XRN2: variants seen among roughly 807,000 people sequenced by gnomAD.
The protein encoded by XRN2 is DHM1-like protein.
Under a neutral mutation model 138.5 loss-of-function variants are expected in XRN2, and 44 were observed. The ratio of observed to expected loss-of-function variants is 0.32; its 90% CI spans 0.25 to 0.41. The LOEUF is 0.41. Ranked by LOEUF, XRN2 falls within the 10% of genes least tolerant of loss-of-function variation. The probability of loss-of-function intolerance (pLI) is 1.00; values close to 1 mark genes in which losing one functional copy is unlikely to be tolerated. For synonymous variants in XRN2, 354 were observed against 369.4 expected, an observed-to-expected ratio of 0.96 and a Z score of 0.48; for missense variants, 937 against 1,169.3, an observed-to-expected ratio of 0.80 and a Z score of 2.90.
intron 21 of XRN2, 125 bp from the exon 22 acceptor site, chr20:21,355,955 T>G: frequency 8.9e-6 from 5 of 563,454 alleles, no homozygotes; most frequent in African/African-American, 3.9e-5. Context: ...TTAAAATTAT[T>G]TTTCATAAAT....
At chr20:21,330,128 C>A (rs1420652652) in intron 4 of XRN2, among the ~76,000 whole-genome samples, 1 of 151,980 alleles carries the variant, frequency 6.6e-6, no homozygotes, top group African/African-American at 2.4e-5. Flanking sequence ...ACTAAAAATA[C>A]AAAAATTAGC....
At chr20:21,320,508 C>T (rs1050488935) in intron 1 of XRN2, among the ~76,000 whole-genome samples, 1 of 151,890 alleles carries the variant, frequency 6.6e-6, no homozygotes, top group Non-Finnish European at 1.5e-5. Flanking sequence ...AGCGTGCTAG[C>T]CAGGATGGTC....
chr20:21,357,656 A>G, intron 23 of XRN2, 80 bp from the exon 24 acceptor site: 2 of 1,183,288 alleles, frequency 1.7e-6, no homozygotes, highest in Non-Finnish European at 2.3e-6. Context: ...AAAGACTAAC[A>G]AACATAGCAA....
At chr20:21,339,422 C>G (rs766345782) in intron 14 of XRN2, among the ~76,000 whole-genome samples, 1 of 152,174 alleles carries the variant, frequency 6.6e-6, no homozygotes, top group East Asian at 1.9e-4. Context: ...ATTTCTACCT[C>G]TTTGTCAGAT....
At chr20:21,328,058 C>A (rs1006474526) in intron 3 of XRN2, among the ~76,000 whole-genome samples, 1 of 152,100 alleles carries the variant, frequency 6.6e-6, no homozygotes, top group Admixed American at 6.5e-5. Flanking sequence ...AGAAGTGCAC[C>A]GAGATTCTTC....
chr20:21,308,969 G>A (rs1000867579), intron 1 of XRN2, among the ~76,000 whole-genome samples: 1 of 152,110 alleles, frequency 6.6e-6, no homozygotes, highest in Non-Finnish European at 1.5e-5. Flanking sequence ...TAGTCATATG[G>A]TGAATTATCG....
chr20:21,340,351 CT>C (rs943248416), intron 14 of XRN2, among the ~76,000 whole-genome samples: 3 of 152,096 alleles, frequency 2.0e-5, no homozygotes, highest in Non-Finnish European at 4.4e-5. Flanking sequence ...TCAAACTCAA[CT>C]TTTTTTAAAC....
intron 29 of XRN2, 45 bp downstream of exon 29, chr20:21,387,051 C>T (rs929045961): frequency 6.4e-7 from 1 of 1,570,520 alleles, no homozygotes; most frequent in African/African-American, 1.3e-5. Context: ...CTTTATATTT[C>T]AACAAGCCTC....
At chr20:21,358,696 A>G (rs1486435871) in intron 24 of XRN2, among the ~76,000 whole-genome samples, 2 of 152,212 alleles carry the variant, frequency 1.3e-5, no homozygotes, top group Non-Finnish European at 1.5e-5. Context: ...AAAGGCTTTT[A>G]TTTAAAGAAA....
intron 15 of XRN2, 40 bp downstream of exon 15, chr20:21,340,892 AT>A (rs2038363854): frequency 6.2e-7 from 1 of 1,611,428 alleles, no homozygotes; most frequent in Non-Finnish European, 8.5e-7. Flanking sequence ...AGAGTGGTGA[AT>A]ATCACATACC....
chr20:21,349,170 ATTC>A (rs2038475566), intron 19 of XRN2, among the ~76,000 whole-genome samples: 3 of 152,184 alleles, frequency 2.0e-5, no homozygotes, highest in African/African-American at 7.2e-5. Context: ...CAATTCTAAA[ATTC>A]TTCTACAGTA....
chr20:21,316,390 C>G (rs910357429), intron 1 of XRN2, among the ~76,000 whole-genome samples: 1 of 152,158 alleles, frequency 6.6e-6, no homozygotes, highest in African/African-American at 2.4e-5. Flanking sequence ...AATATTTACA[C>G]CTGTTTTTCG....
At chr20:21,309,729 CACTCCTGTTTTT>C (rs2037853198) in intron 1 of XRN2, among the ~76,000 whole-genome samples, 1 of 151,368 alleles carries the variant, frequency 6.6e-6, no homozygotes, top group Non-Finnish European at 1.5e-5. Context: ...AAAATGTTTT[CACTCCTGTTTTT>C]ACTTCTCTTT....
intron 1 of XRN2, among the ~76,000 whole-genome samples, chr20:21,324,567 A>ACAAGTATAT (rs2038096794): frequency 6.7e-6 from 1 of 149,788 alleles, no homozygotes; most frequent in South Asian, 2.1e-4. Flanking sequence ...CTTGCATCTC[A>ACAAGTATAT]CAAGTATATG....
At chr20:21,334,259 T>C in intron 13 of XRN2, 74 bp downstream of exon 13, 1 of 1,243,084 alleles carries the variant, frequency 8.0e-7, no homozygotes, top group Non-Finnish European at 1.2e-6. Flanking sequence ...TGATTACTTT[T>C]AATCTCTTTG....
chr20:21,303,522 C>A, intron 1 of XRN2, 49 bp downstream of exon 1: 2 of 1,516,900 alleles, frequency 1.3e-6, no homozygotes, highest in African/African-American at 2.9e-5. Context: ...GCCCCCGGCA[C>A]GTCTAGGCCG....
At chr20:21,340,916 G>GGT (rs2038364172) in intron 15 of XRN2, 64 bp downstream of exon 15, 4 of 1,565,170 alleles carry the variant, frequency 2.6e-6, no homozygotes, top group South Asian at 2.3e-5. Context: ...TTGCAGGGGT[G>GGT]GTGTGTGTGT....
In XRN2 at chr20:21,348,023, C is replaced by T. The variant is rs41279026; in HGVS notation, c.1666-123C>T. ...AAAAGATCAGTATTTGGAATATATGCCAGAAGTCATGTGTTTTATAAGTAG... is the reference window on the plus strand; with the variant it reads ...AAAAGATCAGTATTTGGAATATATGTCAGAAGTCATGTGTTTTATAAGTAG... On this transcript the variant is annotated intron_variant, in intron 17 of 29. Coordinates refer to ENST00000377191, the MANE Select transcript of XRN2 (RefSeq NM_012255.5). The T allele has an allele frequency of 4.9e-3, 3,792 of 780,354 alleles. 17 individuals are homozygous for T. The highest frequency in any genetic ancestry group is 5.3e-3 in the Non-Finnish European group (2,750 of 514,388). The allele number at this position is 780,354 out of a possible 1,614,324, so 48.3% of individuals were successfully genotyped here. A position where few individuals can be genotyped will look rare whatever the true frequency, so the allele number is the denominator to read the frequency against.
rs1042258984 is a variant in XRN2 at position 21,332,313 on chromosome 20, A to G, written c.731A>G (p.His244Arg). The part of the protein sequence containing the change: ...ADLIMLGLAT[H>R]EPNFTIIREE... Reference sequence around the variant, plus strand: ...CTCATTATGCTTGGCCTTGCCACACATGAACCGAACTTTACCATTATTAGA... The same window carrying G: ...CTCATTATGCTTGGCCTTGCCACACGTGAACCGAACTTTACCATTATTAGA... The change falls in exon 9 of 30, where the codon CAT becomes CGT. Residue 244 changes from histidine to arginine, a missense_variant. Physicochemically the swap from His to Arg is conservative, Grantham distance 29. Around this residue, in one of 6 missense-constraint regions of XRN2, gnomAD observed 471 missense variants for 581.2 expected, o/e 0.81. Coordinates refer to ENST00000377191, the MANE Select transcript of XRN2 (RefSeq NM_012255.5). The G allele has an allele frequency of 1.2e-6, 2 of 1,613,506 alleles. No individual in the cohort carries two copies. The highest frequency in any genetic ancestry group is 3.3e-5 in the Admixed American group (2 of 59,824).
Sources: gnomAD v4.1 joint callset for allele counts (sites outside exome capture counted in the v4.1 genomes callset) on GRCh38, gnomAD v4.1.1 for gene constraint, gnomAD v4.1.1 regional missense constraint, MANE v1.5 for transcripts, NCBI Gene and HGNC (gene_info 2026-07-23, HGNC 2026-07-21) for gene names.